CLVS2: variants seen among roughly 807,000 people sequenced by gnomAD.
CLVS2 encodes clavesin-2.
Under a neutral mutation model 29.0 loss-of-function variants are expected in CLVS2, and 19 were observed. The observed-to-expected ratio is 0.66, with a 90% CI of 0.46 to 0.96. The LOEUF is 0.96. Ranked by LOEUF, CLVS2 falls within the 40% of genes least tolerant of loss-of-function variation. The pLI is 0.00. For synonymous variants in CLVS2, 161 were observed against 151.3 expected (o/e 1.06, Z -0.47); for missense variants, 294 against 404.1 (o/e 0.73, Z 2.34).
intron 3 of CLVS2, among the ~76,000 whole-genome samples, chr6:123,044,457 C>A (rs1775279512): frequency 6.6e-6 from 1 of 151,228 alleles, no homozygotes. Context: ...TGTTTTTTTC[C>A]AGAGAGCATT....
In CLVS2 at chr6:123,072,849, A is replaced by C. The variant is rs949093606; in HGVS notation, c.*9088A>C. The stretch of plus-strand genomic sequence containing the variant: ...ATTAATATTTTATTTCTTTTTTTGC[A>C]GAGAAACTATTGTCTTTTTTGATTT... On this transcript the variant is annotated 3_prime_UTR_variant, in exon 6 of 6. Coordinates refer to ENST00000275162, the MANE Select transcript of CLVS2 (RefSeq NM_001010852.4). 2.0e-5 allele frequency: 3 copies of C among 151,996 alleles called. No individual in the cohort carries two copies. Among genetic ancestry groups the C allele is most frequent in the African/African-American group, 7.2e-5 (3 of 41,414 alleles). The allele number at this position is 151,996 out of a possible 1,614,324, so 9.4% of individuals were successfully genotyped here. A position where few individuals can be genotyped will look rare whatever the true frequency, so the allele number is the denominator to read the frequency against.
At chr6:123,018,566 G>T (rs965966585) in intron 3 of CLVS2, among the ~76,000 whole-genome samples, 4 of 151,568 alleles carry the variant, frequency 2.6e-5, no homozygotes, top group Non-Finnish European at 5.9e-5. Context: ...CAGAATCTTA[G>T]AAGTGAGTGA....
intron 3 of CLVS2, among the ~76,000 whole-genome samples, chr6:123,045,142 GACACACACAC>G (rs112529316): frequency 6.8e-6 from 1 of 146,990 alleles, no homozygotes; most frequent in Non-Finnish European, 1.5e-5. Context: ...CCTCTTTTGG[GACACACACAC>G]ACACACACAC....
chr6:123,011,229 G>A, intron 3 of CLVS2, 70 bp downstream of exon 3: 3 of 1,186,120 alleles, frequency 2.5e-6, no homozygotes, highest in South Asian at 4.1e-5. Flanking sequence ...GTGTTAGAAT[G>A]AAAAAATGTC....
At chr6:123,050,971 TA>T (rs1157931503) in intron 4 of CLVS2, among the ~76,000 whole-genome samples, 3 of 152,156 alleles carry the variant, frequency 2.0e-5, no homozygotes, top group Admixed American at 2.0e-4. Flanking sequence ...ATCTAAACTT[TA>T]CCATTTTAGT....
intron 3 of CLVS2, among the ~76,000 whole-genome samples, chr6:123,015,219 T>C (rs759663867): frequency 6.6e-6 from 1 of 151,988 alleles, no homozygotes; most frequent in African/African-American, 2.4e-5. Flanking sequence ...GGCTGAACCC[T>C]GGCTCTATGG....
At position 122,996,601 on chromosome 6, in the gene CLVS2, C is replaced by G. The variant is rs1407608869; in HGVS notation, c.-705C>G. ...TCCCGAGCGCATCTTCGGCCCGGGTCCCCGCCGCCACCCCTCTTCTCTGCT... is the reference window on the plus strand; with the variant it reads ...TCCCGAGCGCATCTTCGGCCCGGGTGCCCGCCGCCACCCCTCTTCTCTGCT... On this transcript the variant is annotated 5_prime_UTR_variant, in exon 1 of 6. Transcript: ENST00000275162. 1.3e-5 allele frequency: 2 copies of G among 153,866 alleles called. No individual in the cohort carries two copies. Among genetic ancestry groups the G allele is most frequent in the Non-Finnish European group, 2.9e-5 (2 of 68,282 alleles). 9.5% of individuals were successfully genotyped at this position (153,866 alleles called of 1,614,324 possible).
intron 3 of CLVS2, among the ~76,000 whole-genome samples, chr6:123,016,780 T>A (rs1433913570): frequency 6.6e-6 from 1 of 152,150 alleles, no homozygotes; most frequent in Non-Finnish European, 1.5e-5. Flanking sequence ...ATCAATTCAC[T>A]GGTCCTTTCA....
chr6:123,022,164 A>G (rs1438055914), intron 3 of CLVS2, among the ~76,000 whole-genome samples: 2 of 152,044 alleles, frequency 1.3e-5, no homozygotes, highest in Non-Finnish European at 2.9e-5. Flanking sequence ...GTTATACTTA[A>G]TGGGAGGAAT....
chr6:123,008,733 C>A (rs1176968447), intron 2 of CLVS2, among the ~76,000 whole-genome samples: 1 of 150,514 alleles, frequency 6.6e-6, no homozygotes, highest in Non-Finnish European at 1.5e-5. Context: ...ATACAGTCTT[C>A]CTGCTCCAAC....
chr6:123,065,085 A>G lies in CLVS2; in HGVS notation c.*1324A>G, dbSNP rs1166393786. On this transcript the variant is annotated 3_prime_UTR_variant, in exon 6 of 6. Transcript: ENST00000275162. Reference sequence around the variant, plus strand: ...TGAAAAAACACATTATATTCAGGAGATATAATGAAATTATTGGAAGGCATC... The same window carrying G: ...TGAAAAAACACATTATATTCAGGAGGTATAATGAAATTATTGGAAGGCATC... 2.0e-5 allele frequency: 3 copies of G among 151,858 alleles called. No homozygotes were observed. Among genetic ancestry groups the G allele is most frequent in the East Asian group, 3.8e-4 (2 of 5,196 alleles). 9.4% of individuals were successfully genotyped at this position (151,858 alleles called of 1,614,324 possible).
intron 3 of CLVS2, among the ~76,000 whole-genome samples, chr6:123,033,911 C>G (rs929508016): frequency 6.6e-6 from 1 of 152,064 alleles, no homozygotes; most frequent in East Asian, 1.9e-4. Context: ...AACACACGGA[C>G]AGACATTTCA....
chr6:123,010,067 TA>T (rs1774727012), intron 2 of CLVS2, among the ~76,000 whole-genome samples: 1 of 152,086 alleles, frequency 6.6e-6, no homozygotes, highest in South Asian at 2.1e-4. Context: ...TGATATTGAT[TA>T]AAAATTTTAC....
chr6:123,066,785 C>T lies in CLVS2; in HGVS notation c.*3024C>T, dbSNP rs1468620025. On this transcript the variant is annotated 3_prime_UTR_variant, in exon 6 of 6. Transcript: ENST00000275162. ...GGCATATGGATTTTATTTGTACTCT[C>T]TTCCAAAAAGTAAATACGTAAATCT... 6.6e-6 allele frequency: 1 copy of T among 151,646 alleles called. No homozygotes were observed. Among genetic ancestry groups the T allele is most frequent in the Non-Finnish European group, 1.5e-5 (1 of 67,720 alleles). 9.4% of individuals were successfully genotyped at this position (151,646 alleles called of 1,614,324 possible). A position where few individuals can be genotyped will look rare whatever the true frequency, so the allele number is the denominator to read the frequency against.
In CLVS2 at chr6:123,072,904, A is replaced by C. The variant is rs1204252821; in HGVS notation, c.*9143A>C. 1 of 152,092 alleles carries C rather than the reference A, an allele frequency of 6.6e-6. No individual in the cohort carries two copies. Among genetic ancestry groups the C allele is most frequent in the Admixed American group, 6.6e-5 (1 of 15,264 alleles). The allele number at this position is 152,092 out of a possible 1,614,324, so 9.4% of individuals were successfully genotyped here. On this transcript the variant is annotated 3_prime_UTR_variant, in exon 6 of 6. Coordinates refer to ENST00000275162, the MANE Select transcript of CLVS2 (RefSeq NM_001010852.4). ...GGATGAATGAAGTACTGTTAAATAA[A>C]ATGTCACTAAATGAAACTTCAGATT...
chr6:123,022,493 T>A (rs903699200), intron 3 of CLVS2, among the ~76,000 whole-genome samples: 5 of 152,008 alleles, frequency 3.3e-5, no homozygotes, highest in Admixed American at 6.6e-5. Context: ...CTTAGCATAA[T>A]GGTGGTAGGA....
intron 5 of CLVS2, among the ~76,000 whole-genome samples, chr6:123,058,141 G>T (rs181690422): frequency 3.6e-4 from 55 of 152,126 alleles, no homozygotes; most frequent in African/African-American, 1.1e-3. Flanking sequence ...CATGAAGTAG[G>T]TGTCTTTTTT....
chr6:123,027,450 T>C (rs1775019764), intron 3 of CLVS2, among the ~76,000 whole-genome samples: 1 of 152,188 alleles, frequency 6.6e-6, no homozygotes, highest in Non-Finnish European at 1.5e-5. Context: ...TAGTTTTGTC[T>C]ACGTCCTCTC....
rs1455396126 is a variant in CLVS2 at position 123,070,424 on chromosome 6, A to T, written c.*6663A>T. ...TCTAACCACTTCTCCAATCTTCTTC[A>T]CTGTATTGGACCAAGTCTTCAACAT... On this transcript the variant is annotated 3_prime_UTR_variant, in exon 6 of 6. Transcript: ENST00000275162. 6.6e-6 allele frequency: 1 copy of T among 151,582 alleles called. No individual in the cohort carries two copies. The highest frequency in any genetic ancestry group is 2.4e-5 in the African/African-American group (1 of 41,138). The allele number at this position is 151,582 out of a possible 1,614,324, so 9.4% of individuals were successfully genotyped here. A position where few individuals can be genotyped will look rare whatever the true frequency, so the allele number is the denominator to read the frequency against.
Sources: gnomAD v4.1 joint callset for allele counts (sites outside exome capture counted in the v4.1 genomes callset) on GRCh38, gnomAD v4.1.1 for gene constraint, MANE v1.5 for transcripts, NCBI Gene and HGNC (gene_info 2026-07-23, HGNC 2026-07-21) for gene names.